Variants in SLC14A2 observed in about 807,000 individuals in gnomAD.
SLC14A2 encodes solute carrier family 14 member 2.
A neutral mutation model predicts 104.6 loss-of-function variants in SLC14A2; 91 were observed. The ratio of observed to expected loss-of-function variants is 0.87; its 90% CI spans 0.73 to 1.04. SLC14A2 has a LOEUF of 1.04. Among genes scored for constraint, SLC14A2 ranks in the 50% least tolerant of loss-of-function variants. The probability of loss-of-function intolerance (pLI) is 0.00; values close to 1 mark genes in which losing one functional copy is unlikely to be tolerated. For missense variants in SLC14A2, 1,189 were observed against 1,156.0 expected (o/e 1.03, Z -0.41); for synonymous variants, 476 against 466.4 (o/e 1.02, Z -0.27).
chr18:45,615,054 C>T (rs1423369559), upstream of SLC14A2: 1 of 152,248 alleles, frequency 6.6e-6, no homozygotes, highest in Non-Finnish European at 1.5e-5. Context: ...GACTCGGCCT[C>T]TCAAAGTGCT....
chr18:45,273,907 T>C (rs1332214592), intron 1 of SLC14A2, among the ~76,000 whole-genome samples: 1 of 152,218 alleles, frequency 6.6e-6, no homozygotes, highest in East Asian at 1.9e-4. Flanking sequence ...ATCAACTGAA[T>C]ACTAAGATTC....
intron 2 of SLC14A2, among the ~76,000 whole-genome samples, chr18:45,541,611 G>A (rs554960796): frequency 5.3e-5 from 8 of 152,338 alleles, no homozygotes; most frequent in African/African-American, 1.7e-4. Context: ...TAACTAGGAA[G>A]ATATCATTCT....
rs2046324945 is a variant in SLC14A2, at chr18:45,682,471, C to T, written c.2715C>T (p.Asn905=). The change falls in exon 20 of 20, where the codon AAC becomes AAT. Residue 905 remains asparagine (N), a synonymous_variant. Transcript: ENST00000255226. ...NRIYYLSQER[N]RRASIITKYQ... ...TCTACTACCTGTCCCAGGAGAGAAA[C>T]AGAAGGGCATCAATCATAACAAAGT... The T allele has an allele frequency of 6.2e-7, 1 of 1,614,210 alleles. No individual in the cohort carries two copies. Among genetic ancestry groups the T allele is most frequent in the Non-Finnish European group, 8.5e-7 (1 of 1,180,018 alleles).
intron 2 of SLC14A2, among the ~76,000 whole-genome samples, chr18:45,564,577 G>A (rs1811147196): frequency 6.6e-6 from 1 of 152,190 alleles, no homozygotes. Context: ...CTGCCCCTTA[G>A]CTAGTTTTCA....
At chr18:45,343,782 G>A (rs2085420806) in intron 1 of SLC14A2, among the ~76,000 whole-genome samples, 1 of 152,132 alleles carries the variant, frequency 6.6e-6, no homozygotes, top group Non-Finnish European at 1.5e-5. Flanking sequence ...AAGGGCCTTA[G>A]AAATTGCAGG....
intron 1 of SLC14A2, among the ~76,000 whole-genome samples, chr18:45,384,643 G>A (rs540946427): frequency 3.5e-4 from 53 of 151,936 alleles, no homozygotes; most frequent in African/African-American, 1.3e-3. Context: ...CAACCAAAAG[G>A]TATTCAGTGC....
intron 1 of SLC14A2, among the ~76,000 whole-genome samples, chr18:45,368,730 A>G (rs1667624334): frequency 6.6e-6 from 1 of 152,224 alleles, no homozygotes; most frequent in African/African-American, 2.4e-5. Context: ...GCTCAAGACA[A>G]ATCACAACCT....
chr18:45,508,612 T>G (rs2043320475), intron 2 of SLC14A2, among the ~76,000 whole-genome samples: 1 of 152,196 alleles, frequency 6.6e-6, no homozygotes, highest in South Asian at 2.1e-4. Context: ...AATACAGCCT[T>G]CATCTTTTCT....
intron 1 of SLC14A2, among the ~76,000 whole-genome samples, chr18:45,389,330 G>A (rs1331785842): frequency 6.6e-6 from 1 of 152,142 alleles, no homozygotes; most frequent in Non-Finnish European, 1.5e-5. Flanking sequence ...ATGGACTACA[G>A]AATCCATCTA....
At chr18:45,407,605 G>C (rs1057223667) in intron 1 of SLC14A2, among the ~76,000 whole-genome samples, 1 of 152,126 alleles carries the variant, frequency 6.6e-6, no homozygotes, top group East Asian at 1.9e-4. Context: ...CCTTTGACAC[G>C]CCATCCTCAA....
intron 10 of SLC14A2, among the ~76,000 whole-genome samples, chr18:45,661,424 C>G (rs2045935672): frequency 6.6e-6 from 1 of 152,190 alleles, no homozygotes; most frequent in African/African-American, 2.4e-5. Flanking sequence ...AAGGAAAACT[C>G]CTTTCTTGCA....
intron 1 of SLC14A2, among the ~76,000 whole-genome samples, chr18:45,398,140 G>A (rs935307183): frequency 3.3e-5 from 5 of 152,118 alleles, no homozygotes; most frequent in African/African-American, 7.2e-5. Context: ...GACTCAGAGG[G>A]ACTAAATGAA....
chr18:45,337,507 C>T (rs1291355359), intron 1 of SLC14A2, among the ~76,000 whole-genome samples: 1 of 152,126 alleles, frequency 6.6e-6, no homozygotes, highest in African/African-American at 2.4e-5. Flanking sequence ...ACTTCCTCAA[C>T]CAACTGACTA....
chr18:45,403,891 G>A (rs1173895847), intron 1 of SLC14A2, among the ~76,000 whole-genome samples: 1 of 152,152 alleles, frequency 6.6e-6, no homozygotes, highest in Non-Finnish European at 1.5e-5. Flanking sequence ...GCACTTCTGT[G>A]ACTTGACTGT....
At chr18:45,465,700 C>T (rs945149083) in intron 1 of SLC14A2, among the ~76,000 whole-genome samples, 16 of 152,152 alleles carry the variant, frequency 1.1e-4, no homozygotes, top group African/African-American at 3.9e-4. Flanking sequence ...TAGGAGCCCA[C>T]CTGACCCAGG....
chr18:45,339,922 G>A (rs2085376731), intron 1 of SLC14A2, among the ~76,000 whole-genome samples: 1 of 152,246 alleles, frequency 6.6e-6, no homozygotes, highest in African/African-American at 2.4e-5. Context: ...CATATGGTCA[G>A]CTTCGCTGTG....
chr18:45,177,981 A>G, the SLC14A2 span, among the ~76,000 whole-genome samples: 1 of 152,192 alleles, frequency 6.6e-6, no homozygotes, highest in South Asian at 2.1e-4. Context: ...CATATCAGAA[A>G]AATGTCTTCT....
chr18:45,591,176 AT>A (rs1361777903), intron 2 of SLC14A2, among the ~76,000 whole-genome samples: 1 of 152,180 alleles, frequency 6.6e-6, no homozygotes, highest in East Asian at 1.9e-4. Context: ...TACTCTTCTG[AT>A]ATGCAAATAT....
At chr18:45,371,006 A>G (rs2085716989) in intron 1 of SLC14A2, among the ~76,000 whole-genome samples, 1 of 152,152 alleles carries the variant, frequency 6.6e-6, no homozygotes, top group South Asian at 2.1e-4. Context: ...CTTGGTTAGG[A>G]GAAGACAGGC....
Sources: allele counts gnomAD v4.1 joint callset (sites outside exome capture counted in the v4.1 genomes callset), GRCh38; gene constraint gnomAD v4.1.1; transcripts MANE v1.5; gene names NCBI Gene and HGNC (gene_info 2026-07-23, HGNC 2026-07-21).